Variants in MILR1 observed in about 807,000 individuals in gnomAD.
MILR1 encodes the protein mast cell immunoglobulin like receptor 1.
MILR1 carries 31 observed loss-of-function variants against 18.5 expected under a neutral mutation model. The ratio of observed to expected loss-of-function variants is 1.68; its 90% CI spans 1.26 to 2.26. MILR1 has a LOEUF of 2.26. MILR1 is among the 30% of genes most tolerant of loss of function. The pLI is 0.00. For synonymous variants in MILR1, 85 were observed against 56.2 expected (o/e 1.51, Z -2.30); for missense variants, 257 against 157.4 (o/e 1.63, Z -3.38).
At chr17:64,496,381 T>G in the MILR1 span, 1 of 1,495,094 alleles carries the variant, frequency 6.7e-7, no homozygotes, top group South Asian at 1.2e-5. Context: ...GACACCTGTT[T>G]TGAAGCATGA....
the MILR1 span, among the ~76,000 whole-genome samples, chr17:64,475,850 G>A: frequency 8.3e-5 from 10 of 121,098 alleles, no homozygotes; most frequent in African/African-American, 3.3e-4. Context: ...GTCTCACTGT[G>A]TCACCCAGGC....
chr17:64,491,297 A>T, the MILR1 span, among the ~76,000 whole-genome samples: 5 of 152,216 alleles, frequency 3.3e-5, no homozygotes, highest in African/African-American at 1.2e-4. Flanking sequence ...TTTAATTTTT[A>T]AAAAGTGAAA....
the MILR1 span, chr17:64,496,354 G>C: frequency 5.1e-6 from 6 of 1,184,428 alleles, no homozygotes; most frequent in Admixed American, 1.2e-4. Flanking sequence ...CAGCAAGACT[G>C]CCTCGCCTTT....
chr17:64,450,424 C>T (rs925682074), intron 2 of MILR1, among the ~76,000 whole-genome samples: 6 of 152,112 alleles, frequency 3.9e-5, no homozygotes, highest in African/African-American at 1.4e-4. Flanking sequence ...AATTCTTCTC[C>T]CCTTCCTATC....
At chr17:64,485,670 G>A in the MILR1 span, 2 of 1,351,822 alleles carry the variant, frequency 1.5e-6, no homozygotes, top group Non-Finnish European at 2.1e-6. Context: ...CTAACATTAA[G>A]AACAAACAAA....
At chr17:64,453,853 T>C (rs2037230957) in intron 3 of MILR1, among the ~76,000 whole-genome samples, 1 of 152,154 alleles carries the variant, frequency 6.6e-6, no homozygotes, top group Non-Finnish European at 1.5e-5. Flanking sequence ...TCCTGATAAC[T>C]CTTGAGTGGT....
At chr17:64,466,359 C>A (rs1326985066) in intron 6 of MILR1, 83 bp from the exon 7 acceptor site, 13 of 1,164,792 alleles carry the variant, frequency 1.1e-5, no homozygotes, top group Non-Finnish European at 1.6e-5. Flanking sequence ...TGGCCACATT[C>A]CAGACGCATT....
At position 64,457,842 on chromosome 17, in the gene MILR1, G is replaced by A. The variant is rs118202231; in HGVS notation, c.652+158G>A. ...AGAAGGATAGAAGGAAAACTAGGTC[G>A]TGTGCAGTGGCTCACACCTGTAATC... On this transcript the variant is annotated intron_variant, in intron 4 of 9. Coordinates refer to ENST00000619286, the MANE Select transcript of MILR1 (RefSeq NM_001085423.2). Among the ~76,000 whole-genome samples the A allele has an allele frequency of 6.0e-3, 918 of 152,256 alleles. 8 individuals carry two copies. Among genetic ancestry groups the A allele is most frequent in the African/African-American group, 0.021 (878 of 41,544 alleles).
chr17:64,476,446 G>A, the MILR1 span, among the ~76,000 whole-genome samples: 267 of 152,224 alleles, frequency 1.8e-3, 1 homozygote, highest in African/African-American at 6.3e-3. Context: ...TTGGGAGGCT[G>A]AGACAGGAGG....
chr17:64,487,944 T>C, the MILR1 span, among the ~76,000 whole-genome samples: 1 of 152,240 alleles, frequency 6.6e-6, no homozygotes, highest in African/African-American at 2.4e-5. Context: ...ATATCTGATT[T>C]CTCACACTAT....
intron 8 of MILR1, 54 bp downstream of exon 8, chr17:64,466,716 C>A: frequency 6.9e-7 from 1 of 1,441,618 alleles, no homozygotes; most frequent in East Asian, 2.4e-5. Context: ...GGTGGTCCCT[C>A]TGATGTCATT....
intron 1 of MILR1, 26 bp from the exon 2 acceptor site, chr17:64,449,288 T>C: frequency 2.1e-6 from 1 of 473,562 alleles, no homozygotes; most frequent in Non-Finnish European, 3.9e-6. Flanking sequence ...GAAAGTGAGC[T>C]TTATCGTGTT....
At chr17:64,491,058 G>A in the MILR1 span, 11 of 1,043,190 alleles carry the variant, frequency 1.1e-5, no homozygotes, top group South Asian at 5.2e-5. Flanking sequence ...TAAATTGTCC[G>A]ATACTTTTTA....
the MILR1 span, chr17:64,491,463 T>C: frequency 9.8e-7 from 1 of 1,021,696 alleles, no homozygotes; most frequent in Non-Finnish European, 1.5e-6. Flanking sequence ...TGAGCTGTGA[T>C]TGTGCAACGG....
chr17:64,496,698 G>A, the MILR1 span: 15 of 1,613,982 alleles, frequency 9.3e-6, no homozygotes, highest in African/African-American at 1.3e-5. Flanking sequence ...CCACTCAGAA[G>A]AGAATCCCGG....
At chr17:64,491,188 C>T in the MILR1 span, among the ~76,000 whole-genome samples, 1 of 152,080 alleles carries the variant, frequency 6.6e-6, no homozygotes, top group Non-Finnish European at 1.5e-5. Context: ...AGTGGCTAGT[C>T]ACAGGTACAA....
At position 64,457,500 on chromosome 17, in the gene MILR1, CA is replaced by C. The variant is rs1204705322; in HGVS notation, c.470del (p.Asn157IlefsTer27). ...TCTCAGTCAATGGCTCGCTGCCCAT[CA>C]ATTACACTTTCTTTGAAAACCATGT... ...CLSVNGSLPI[N>X]YTFFENHVAI... is the part of the protein sequence containing the mutation. On this transcript the variant is annotated frameshift_variant, in exon 4 of 10. Coordinates refer to ENST00000619286, the MANE Select transcript of MILR1 (RefSeq NM_001085423.2). LOFTEE classifies it high-confidence loss of function. 2.1e-6 allele frequency: 1 copy of C among 475,284 alleles called. No homozygotes were observed. Among genetic ancestry groups the C allele is most frequent in the African/African-American group, 2.0e-5 (1 of 50,530 alleles). The allele number at this position is 475,284 out of a possible 1,614,324, so 29.4% of individuals were successfully genotyped here.
chr17:64,465,578 G>A (rs1555663002), intron 6 of MILR1, 37 bp downstream of exon 6: 2 of 1,570,596 alleles, frequency 1.3e-6, no homozygotes, highest in African/African-American at 1.4e-5. Flanking sequence ...GGTGGTTTCA[G>A]GTTTTTGTCT....
At chr17:64,492,765 C>T in the MILR1 span, 1 of 1,610,188 alleles carries the variant, frequency 6.2e-7, no homozygotes, top group South Asian at 1.1e-5. Context: ...TCAGTCTTCT[C>T]ACCAATACTT....
Sources: gnomAD v4.1 joint callset for allele counts (sites outside exome capture counted in the v4.1 genomes callset) on GRCh38, gnomAD v4.1.1 for gene constraint, MANE v1.5 for transcripts, NCBI Gene and HGNC (gene_info 2026-07-23, HGNC 2026-07-21) for gene names.